Variants in TRA2B observed in about 807,000 individuals in gnomAD.
The protein encoded by TRA2B is transformer-2 protein homolog beta.
In TRA2B, 14 loss-of-function variants were observed where a neutral mutation model predicts 41.7. That is an observed-to-expected ratio of 0.34 (90% confidence interval 0.22 to 0.53). The LOEUF is 0.53. Among genes scored for constraint, TRA2B ranks in the 20% least tolerant of loss-of-function variants. The pLI is 0.95. For synonymous variants in TRA2B, 130 were observed against 128.8 expected, an observed-to-expected ratio of 1.01 and a Z score of -0.06; for missense variants, 167 against 396.8, an observed-to-expected ratio of 0.42 and a Z score of 4.92.
At chr3:185,937,462 C>A in intron 1 of TRA2B, 1 of 1,056,406 alleles carries the variant, frequency 9.5e-7, no homozygotes, top group Non-Finnish European at 1.1e-6. Flanking sequence ...GCCCGCCAGC[C>A]CAAGATGGCT....
chr3:185,923,309 C>A (rs1276728877), intron 4 of TRA2B: 2 of 152,496 alleles, frequency 1.3e-5, no homozygotes, highest in African/African-American at 4.8e-5. Context: ...TTCCTCTTCT[C>A]TATACTTGGA....
rs11538833 is a variant in TRA2B, at chr3:185,937,907, C to G, written c.-47G>C. ...GTCGATGTGCTTCAATCGAAGCTGC[C>G]AACCTCTTGCACCTTCCTTAAGGAG... On this transcript the variant is annotated 5_prime_UTR_variant, in exon 1 of 9. Transcript: ENST00000453386. The G allele has an allele frequency of 3.1e-6, 5 of 1,611,092 alleles. No homozygotes were observed. Among genetic ancestry groups the G allele is most frequent in the South Asian group, 2.2e-5 (2 of 91,046 alleles).
rs896099953 is a variant in TRA2B, at chr3:185,914,931, C to T, written c.*2784G>A. Among the ~76,000 whole-genome samples the T allele has an allele frequency of 2.6e-5, 4 of 152,038 alleles. No homozygotes were observed. Among genetic ancestry groups the T allele is most frequent in the South Asian group, 2.1e-4 (1 of 4,816 alleles). ...AATCCTAGTCAATGGTGTAAGAGGG[C>T]TAAGAGCTATTAGTTTTATCTTAAG... On this transcript the variant is annotated 3_prime_UTR_variant, in exon 9 of 9. Transcript: ENST00000453386.
chr3:185,919,226 T>C (rs1309128074), intron 7 of TRA2B, among the ~76,000 whole-genome samples: 5 of 152,178 alleles, frequency 3.3e-5, no homozygotes, highest in Non-Finnish European at 7.3e-5. Context: ...CGGTATAAAA[T>C]GGTATCACTA....
At chr3:185,934,180 G>A (rs1398623387) in intron 1 of TRA2B, among the ~76,000 whole-genome samples, 6 of 152,054 alleles carry the variant, frequency 3.9e-5, no homozygotes, top group African/African-American at 1.2e-4. Context: ...ACCATGCCTT[G>A]TTAAAAAAAC....
chr3:185,924,575 C>T, intron 3 of TRA2B: 1 of 152,804 alleles, frequency 6.5e-6, no homozygotes, highest in Non-Finnish European at 1.5e-5. Context: ...CTCTGGGAGG[C>T]CAAGGCTGGT....
At chr3:185,934,574 C>G (rs984643289) in intron 1 of TRA2B, 1 of 985,198 alleles carries the variant, frequency 1.0e-6, no homozygotes, top group African/African-American at 1.7e-5. Flanking sequence ...ACCAGACTCA[C>G]AATACAAAAC....
intron 1 of TRA2B, among the ~76,000 whole-genome samples, chr3:185,932,600 A>G (rs1744192050): frequency 6.6e-6 from 1 of 152,200 alleles, no homozygotes; most frequent in Admixed American, 6.5e-5. Context: ...CAATTTAGAA[A>G]ATATTAAGTC....
intron 1 of TRA2B, chr3:185,937,400 C>A (rs1744406180): frequency 5.0e-6 from 5 of 1,006,532 alleles, no homozygotes; most frequent in Non-Finnish European, 5.9e-6. Context: ...CGGGTCGGGT[C>A]CGCGTTGCCG....
intron 1 of TRA2B, chr3:185,927,330 T>TG (rs1357715276): frequency 6.6e-6 from 1 of 152,148 alleles, no homozygotes; most frequent in Non-Finnish European, 1.5e-5. Context: ...AAAACCCTAT[T>TG]GCATCTAACC....
chr3:185,925,201 T>C (rs901491551), intron 3 of TRA2B: 1 of 344,446 alleles, frequency 2.9e-6, no homozygotes, highest in Non-Finnish European at 5.4e-6. Context: ...TACTACAGTA[T>C]AGTAATGCAG....
intron 1 of TRA2B, chr3:185,935,787 A>G: frequency 1.0e-6 from 1 of 985,430 alleles, no homozygotes; most frequent in Non-Finnish European, 1.2e-6. Context: ...TCCAACCCTT[A>G]AAGGTTCCAA....
intron 1 of TRA2B, among the ~76,000 whole-genome samples, chr3:185,930,577 A>G (rs1744112204): frequency 6.6e-6 from 1 of 152,216 alleles, no homozygotes; most frequent in Non-Finnish European, 1.5e-5. Context: ...TCAACTGGGT[A>G]GAAAACCGCT....
chr3:185,934,846 T>C lies in TRA2B; in HGVS notation c.36+2979A>G, dbSNP rs902970821. 6 of 985,360 alleles carry C rather than the reference T, an allele frequency of 6.1e-6. No individual in the cohort carries two copies. The African/African-American group carries it at 8.7e-5, about 14-fold the overall frequency. 61.0% of individuals were successfully genotyped at this position (985,360 alleles called of 1,614,324 possible). On this transcript the variant is annotated intron_variant, in intron 1 of 8. Transcript: ENST00000453386. ...TCTAATGATAAAGATTACGTGCCTA[T>C]GTTGCAATCACATCGGCTTTACAAA...
intron 7 of TRA2B, 101 bp from the exon 8 acceptor site, chr3:185,918,539 A>C: frequency 2.9e-6 from 2 of 692,074 alleles, no homozygotes; most frequent in Non-Finnish European, 4.7e-6. Context: ...CAGTTCCCCA[A>C]AAAAGGAAAG....
At chr3:185,918,472 A>G (rs1175587068) in intron 7 of TRA2B, 34 bp from the exon 8 acceptor site, 1 of 1,447,972 alleles carries the variant, frequency 6.9e-7, no homozygotes, top group Non-Finnish European at 9.7e-7. Context: ...CTAAGTCTCA[A>G]TAGATCACAA....
intron 8 of TRA2B, 36 bp downstream of exon 8, chr3:185,918,329 T>A (rs962993528): frequency 2.0e-6 from 3 of 1,499,436 alleles, no homozygotes; most frequent in Admixed American, 1.7e-5. Flanking sequence ...CAAGCCATAC[T>A]ACAATATAAA....
At chr3:185,936,435 T>C in intron 1 of TRA2B, 1 of 985,356 alleles carries the variant, frequency 1.0e-6, no homozygotes, top group Non-Finnish European at 1.2e-6. Flanking sequence ...AACTCTATGC[T>C]CATCCGAGTA....
chr3:185,926,268 A>G (rs955046690), intron 2 of TRA2B, among the ~76,000 whole-genome samples: 10 of 152,068 alleles, frequency 6.6e-5, no homozygotes, highest in Non-Finnish European at 4.4e-5. Context: ...GTTCTGCAGT[A>G]TATTTGCCAT....
Sources: gnomAD v4.1 joint callset for allele counts (sites outside exome capture counted in the v4.1 genomes callset) on GRCh38, gnomAD v4.1.1 for gene constraint, MANE v1.5 for transcripts, NCBI Gene and HGNC (gene_info 2026-07-23, HGNC 2026-07-21) for gene names.